Variants in GRAMD1B observed in about 807,000 individuals in gnomAD.
GRAMD1B encodes GRAM domain containing 1B.
Under a neutral mutation model 99.7 loss-of-function variants are expected in GRAMD1B, and 37 were observed. The observed-to-expected ratio is 0.37, with a 90% CI of 0.29 to 0.49. The LOEUF is 0.49. GRAMD1B is among the 20% of genes least tolerant of loss of function. The pLI, the probability that GRAMD1B is intolerant of heterozygous loss-of-function variation, is 0.98. For synonymous variants in GRAMD1B, 427 were observed against 387.6 expected, an observed-to-expected ratio of 1.10 and a Z score of -1.19; for missense variants, 888 against 1,009.2, an observed-to-expected ratio of 0.88 and a Z score of 1.63.
chr11:123,441,703 G>A (rs1225576773), intron 1 of GRAMD1B, among the ~76,000 whole-genome samples: 7 of 152,072 alleles, frequency 4.6e-5, no homozygotes, highest in Admixed American at 4.6e-4. Flanking sequence ...GGCAGAAGTG[G>A]GAAGATTACT....
intron 2 of GRAMD1B, among the ~76,000 whole-genome samples, chr11:123,498,467 A>G (rs1363465029): frequency 6.6e-6 from 1 of 152,204 alleles, no homozygotes; most frequent in African/African-American, 2.4e-5. Flanking sequence ...TGCCCTCTTC[A>G]ATGTCTCTTT....
At chr11:123,432,358 A>T (rs1948936706) in intron 1 of GRAMD1B, among the ~76,000 whole-genome samples, 1 of 152,046 alleles carries the variant, frequency 6.6e-6, no homozygotes, top group Non-Finnish European at 1.5e-5. Context: ...GGAGTTCGAG[A>T]CCACCCTGGC....
chr11:123,560,265 C>T (rs970433334), intron 2 of GRAMD1B: 3 of 1,104,382 alleles, frequency 2.7e-6, no homozygotes, highest in East Asian at 7.2e-5. Flanking sequence ...CGTGCCTGAG[C>T]TCAGAACAGC....
chr11:123,542,951 G>C lies in GRAMD1B; in HGVS notation c.453-34416G>C, dbSNP rs986081774. Among the ~76,000 whole-genome samples the C allele has an allele frequency of 2.0e-5, 3 of 150,420 alleles. No individual in the cohort carries two copies. The Admixed American group carries it at 2.0e-4, about 10-fold the overall frequency. On this transcript the variant is annotated intron_variant, in intron 2 of 19. Coordinates refer to ENST00000635736, the MANE Select transcript of GRAMD1B (RefSeq NM_001387025.1). Reference sequence around the variant, plus strand: ...TTACAGGCATGAGCCACTGCGCCCAGCCTGGCGAGTAGTTTTTCTTTTTCT... The same window carrying C: ...TTACAGGCATGAGCCACTGCGCCCACCCTGGCGAGTAGTTTTTCTTTTTCT...
chr11:123,509,586 T>G (rs1468614730), intron 2 of GRAMD1B, among the ~76,000 whole-genome samples: 1 of 152,268 alleles, frequency 6.6e-6, no homozygotes, highest in African/African-American at 2.4e-5. Flanking sequence ...ATGCCAGCTC[T>G]GGCACCGCAA....
intron 3 of GRAMD1B, among the ~76,000 whole-genome samples, chr11:123,579,042 A>T (rs994050081): frequency 3.3e-5 from 5 of 152,178 alleles, no homozygotes; most frequent in Admixed American, 3.3e-4. Flanking sequence ...TGTGCTTAGG[A>T]TCCTGAATCA....
At chr11:123,378,556 G>A (rs183672898) in intron 1 of GRAMD1B, among the ~76,000 whole-genome samples, 169 of 152,304 alleles carry the variant, frequency 1.1e-3, no homozygotes, top group Non-Finnish European at 1.8e-3. Flanking sequence ...GAATGTATGG[G>A]GAAATGGTAG....
intron 2 of GRAMD1B, among the ~76,000 whole-genome samples, chr11:123,550,899 TA>T (rs2135853636): frequency 6.6e-6 from 1 of 152,318 alleles, no homozygotes; most frequent in African/African-American, 2.4e-5. Context: ...GCCTTTCTCT[TA>T]AACTTTAGCA....
chr11:123,565,399 A>T (rs1032730658), intron 2 of GRAMD1B, among the ~76,000 whole-genome samples: 5 of 152,194 alleles, frequency 3.3e-5, no homozygotes, highest in Admixed American at 1.3e-4. Context: ...ATTTAATATC[A>T]TGTGGATACA....
chr11:123,598,673 C>T (rs2060145478), intron 7 of GRAMD1B: 7 of 1,159,514 alleles, frequency 6.0e-6, no homozygotes, highest in African/African-American at 1.5e-5. Flanking sequence ...TCAATCTGTC[C>T]AAACCCAGAG....
At position 123,474,584 on chromosome 11, in the gene GRAMD1B, A is replaced by G. The variant is rs74746603; in HGVS notation, c.375-6232A>G. Among the ~76,000 whole-genome samples, 207 of 152,362 alleles carry G rather than the reference A, an allele frequency of 1.4e-3. 5 individuals are homozygous for G. In the East Asian group the frequency reaches 0.034, roughly 25 times the overall value. On this transcript the variant is annotated intron_variant, in intron 1 of 19. Coordinates refer to ENST00000635736, the MANE Select transcript of GRAMD1B (RefSeq NM_001387025.1). ...TGACTTGGCCAAGGTTAGAAGGCTA[A>G]TAAGAAACAAAGCCTATGTCCCAAG... is the stretch of plus-strand genomic sequence containing the variant.
In GRAMD1B at chr11:123,476,292, G is replaced by C. The variant is rs1340328552; in HGVS notation, c.375-4524G>C. ...ATTTTTGTATTTTTAGTAGAGACAGGGTTTCACCATGTTGGCCAGGCTGGT... is the reference window on the plus strand; with the variant it reads ...ATTTTTGTATTTTTAGTAGAGACAGCGTTTCACCATGTTGGCCAGGCTGGT... On this transcript the variant is annotated intron_variant, in intron 1 of 19. Coordinates refer to ENST00000635736, the MANE Select transcript of GRAMD1B (RefSeq NM_001387025.1). 2.6e-5 allele frequency among the ~76,000 whole-genome samples: 4 copies of C among 152,026 alleles called. No homozygotes were observed. In the East Asian group the frequency reaches 7.7e-4, roughly 29 times the overall value.
In GRAMD1B at chr11:123,397,907, A is replaced by T. The variant is rs574607424; in HGVS notation, c.-176+39108A>T. Among the ~76,000 whole-genome samples the T allele has an allele frequency of 1.5e-4, 23 of 152,336 alleles. No homozygotes were observed. In the South Asian group the frequency reaches 4.8e-3, roughly 32 times the overall value. ...TTTGAGATTCATCTACATAGCTGCA[A>T]ATAACAGTAGCTTGTTCCTTTTTAT... is the stretch of plus-strand genomic sequence containing the variant. On this transcript the variant is annotated intron_variant, in intron 1 of 20. Transcript: ENST00000638157.
chr11:123,430,684 C>T lies in GRAMD1B; in HGVS notation c.-109C>T. On this transcript the variant is annotated 5_prime_UTR_variant, in exon 1 of 20. Transcript: ENST00000635736. ...GGGAAAGGAACTTGTTCCTTCGGCC[C>T]CAGGATTGGGGAGTGTGCCGCGGGG... The T allele has an allele frequency of 1.8e-6, 1 of 547,104 alleles. No individual in the cohort carries two copies. Among genetic ancestry groups the T allele is most frequent in the Non-Finnish European group, 3.2e-6 (1 of 311,852 alleles). The allele number at this position is 547,104 out of a possible 1,614,324, so 33.9% of individuals were successfully genotyped here. A position where few individuals can be genotyped will look rare whatever the true frequency, so the allele number is the denominator to read the frequency against.
At chr11:123,618,221 G>A in intron 17 of GRAMD1B, 1 of 776,350 alleles carries the variant, frequency 1.3e-6, no homozygotes. Context: ...TTTGCTTCTA[G>A]TATTTTTTTC....
At chr11:123,573,348 A>T (rs1213612468) in intron 2 of GRAMD1B, among the ~76,000 whole-genome samples, 1 of 152,230 alleles carries the variant, frequency 6.6e-6, no homozygotes, top group African/African-American at 2.4e-5. Context: ...GATGAAAAAA[A>T]TGCCAAATCC....
rs546347144 is a variant in GRAMD1B at position 123,368,289 on chromosome 11, G to C, written c.-176+9490G>C. On this transcript the variant is annotated intron_variant, in intron 1 of 20. Transcript: ENST00000638157. ...AAAAAAAAAAAAAAAGAAAGAAAGA[G>C]GAGGGTCCCTAGACTGCACTAATAT... Among the ~76,000 whole-genome samples the C allele has an allele frequency of 2.5e-5, 3 of 119,826 alleles. No individual in the cohort carries two copies. The South Asian group carries it at 7.6e-4, about 30-fold the overall frequency. The allele number at this position is 119,826 out of a possible 152,430, so 78.6% of individuals were successfully genotyped here.
Position 123,608,790 on chromosome 11 carries a change from C to G in GRAMD1B, c.1645C>G (p.Arg549Gly). 6.5e-7 allele frequency: 1 copy of G among 1,548,096 alleles called. No homozygotes were observed. Among genetic ancestry groups the G allele is most frequent in the South Asian group, 1.2e-5 (1 of 83,812 alleles). ...CTTCCAGCGGGATTTCATGGAGCAGCGGCGCTTCTCTGGTCCGTTCTGCTG... is the reference window on the plus strand; with the variant it reads ...CTTCCAGCGGGATTTCATGGAGCAGGGGCGCTTCTCTGGTCCGTTCTGCTG... ...SPFQRDFMEQ[R>G]RFSDIIFHPW... Residue 549 changes from arginine to glycine, a missense_variant, in exon 12 of 20, where the codon CGG becomes GGG. This residue lies in a region of GRAMD1B where 269 missense variants were observed against 296.6 expected (regional missense o/e 0.91). Coordinates refer to ENST00000635736, the MANE Select transcript of GRAMD1B (RefSeq NM_001387025.1).
Position 123,551,421 on chromosome 11 carries a change from A to G in GRAMD1B, c.453-25946A>G, listed in dbSNP as rs191975517. On this transcript the variant is annotated intron_variant, in intron 2 of 19. Transcript: ENST00000635736. ...TGGGACAGGGACTCTACGATGTTGT[A>G]CTTTGCCTTACATCTGTTCATTCTC... 7.7e-4 allele frequency among the ~76,000 whole-genome samples: 118 copies of G among 152,300 alleles called. No homozygotes were observed. The Middle Eastern group carries it at 0.014, about 18-fold the overall frequency.
Sources: gnomAD v4.1 joint callset for allele counts (sites outside exome capture counted in the v4.1 genomes callset) on GRCh38, gnomAD v4.1.1 for gene constraint, gnomAD v4.1.1 regional missense constraint, MANE v1.5 for transcripts, NCBI Gene and HGNC (gene_info 2026-07-23, HGNC 2026-07-21) for gene names.